Variants in GABRR3 observed in about 807,000 individuals in gnomAD.
GABRR3 encodes the protein gamma-aminobutyric acid type A receptor subunit rho3.
Under a neutral mutation model 43.2 loss-of-function variants are expected in GABRR3, and 29 were observed. That is an observed-to-expected ratio of 0.67 (90% CI 0.50 to 0.92). GABRR3 has a LOEUF of 0.92. Ranked by LOEUF, GABRR3 falls within the 40% of genes least tolerant of loss-of-function variation. GABRR3 has a pLI of 0.00. For synonymous variants in GABRR3, 206 were observed against 195.9 expected, an observed-to-expected ratio of 1.05 and a Z score of -0.43; for missense variants, 576 against 572.3, an observed-to-expected ratio of 1.01 and a Z score of -0.07.
chr3:98,027,498 C>G (rs1404652103), intron 2 of GABRR3, among the ~76,000 whole-genome samples: 1 of 152,176 alleles, frequency 6.6e-6, no homozygotes, highest in Non-Finnish European at 1.5e-5. Flanking sequence ...AGAAGCATAC[C>G]TCTCCATGAG....
At chr3:98,025,641 T>A in exon 3 of GABRR3, 1 of 1,613,012 alleles carries the variant, frequency 6.2e-7, no homozygotes, top group Non-Finnish European at 8.5e-7. Context: ...AGGCCGCGCT[T>A]TGGTACTGTC....
chr3:98,024,307 C>T (rs570730354), intron 3 of GABRR3, among the ~76,000 whole-genome samples: 1 of 145,714 alleles, frequency 6.9e-6, no homozygotes, highest in Non-Finnish European at 1.5e-5. Context: ...TGCAGTGAGC[C>T]GAGATCGCGC....
chr3:97,986,600 T>A (rs1706388652), downstream of GABRR3: 1 of 935,716 alleles, frequency 1.1e-6, no homozygotes, highest in South Asian at 1.8e-5. Context: ...CCCAGTTCCA[T>A]CTAGGACTAT....
intron 7 of GABRR3, among the ~76,000 whole-genome samples, chr3:98,004,862 G>C (rs2107234451): frequency 6.6e-6 from 1 of 151,944 alleles, no homozygotes; most frequent in Non-Finnish European, 1.5e-5. Context: ...TTTTGAGGAA[G>C]CTAAAATATT....
intron 4 of GABRR3, among the ~76,000 whole-genome samples, chr3:98,015,323 G>T (rs938143317): frequency 2.6e-5 from 4 of 152,286 alleles, no homozygotes; most frequent in African/African-American, 7.2e-5. Flanking sequence ...CTACTGAGTA[G>T]CTGGGACTAC....
intron 2 of GABRR3, among the ~76,000 whole-genome samples, chr3:98,033,792 T>C (rs1172132700): frequency 6.6e-6 from 1 of 152,156 alleles, no homozygotes; most frequent in Non-Finnish European, 1.5e-5. Flanking sequence ...GAACAAGACT[T>C]CATATCATCT....
intron 7 of GABRR3, among the ~76,000 whole-genome samples, chr3:98,004,303 C>T (rs187865436): frequency 9.3e-4 from 142 of 152,260 alleles, no homozygotes; most frequent in Admixed American, 1.8e-3. Context: ...AACTATATGA[C>T]ATCATGTATC....
At chr3:98,003,440 G>C (rs569537416) in intron 7 of GABRR3, among the ~76,000 whole-genome samples, 4 of 146,246 alleles carry the variant, frequency 2.7e-5, no homozygotes, top group African/African-American at 1.0e-4. Context: ...TTGGTGGGGT[G>C]GGGGCAGGGT....
At chr3:98,003,498 T>C (rs865559) in intron 7 of GABRR3, among the ~76,000 whole-genome samples, 81,952 of 149,950 alleles carry the variant, frequency 0.55, 23,574 homozygotes, top group Middle Eastern at 0.66. Context: ...GGTTTTAGAC[T>C]AGGGGTGGTA....
chr3:98,034,838 A>G (rs761701493), intron 2 of GABRR3, 25 bp downstream of exon 2: 33 of 1,611,454 alleles, frequency 2.0e-5, no homozygotes, highest in Middle Eastern at 3.3e-4. Flanking sequence ...CAGTAATTCC[A>G]TGGACTGCAC....
At chr3:98,018,884 C>T (rs770891676) in intron 3 of GABRR3, among the ~76,000 whole-genome samples, 2 of 151,920 alleles carry the variant, frequency 1.3e-5, no homozygotes, top group East Asian at 1.9e-4. Context: ...CCGAGGTGGA[C>T]GGATCACTTG....
At chr3:98,020,381 A>T (rs2107245179) in intron 3 of GABRR3, among the ~76,000 whole-genome samples, 1 of 151,884 alleles carries the variant, frequency 6.6e-6, no homozygotes, top group African/African-American at 2.4e-5. Context: ...AATTAAGCAA[A>T]AATATAAACC....
intron 8 of GABRR3, 198 bp downstream of exon 8, chr3:98,001,417 A>G (rs28622535): frequency 0.46 from 267,885 of 577,366 alleles, 63,338 homozygotes; most frequent in African/African-American, 0.56. Context: ...CATCCCTAAA[A>G]TCCGGGTTCC....
chr3:98,021,020 C>A (rs1053048061), intron 3 of GABRR3, among the ~76,000 whole-genome samples: 1 of 151,784 alleles, frequency 6.6e-6, no homozygotes, highest in East Asian at 1.9e-4. Context: ...CACTACCACC[C>A]CTGGATAATT....
Position 97,987,253 on chromosome 3 carries a change from T to C in GABRR3, c.1105-271A>G, listed in dbSNP as rs558519072. Among the ~76,000 whole-genome samples, 17 of 152,282 alleles carry C rather than the reference T, an allele frequency of 1.1e-4. No homozygotes were observed. The South Asian group carries it at 1.7e-3, about 15-fold the overall frequency. ...ATAGGGAAAGACTTTAGCTGCTCCA[T>C]TGAAATGCAAATTAGCCAGGCCTTC... On this transcript the variant is annotated intron_variant, in intron 9 of 9. Coordinates refer to ENST00000621172, the Ensembl canonical transcript of GABRR3.
At chr3:98,012,437 A>G (rs761236988) in exon 5 of GABRR3, 23 of 1,613,832 alleles carry the variant, frequency 1.4e-5, no homozygotes, top group Non-Finnish European at 1.7e-6. Flanking sequence ...AGAGTGGACA[A>G]AAAAGATATC....
intron 4 of GABRR3, among the ~76,000 whole-genome samples, chr3:98,017,125 T>C (rs1706881343): frequency 6.6e-6 from 1 of 152,172 alleles, no homozygotes; most frequent in African/African-American, 2.4e-5. Context: ...CTTTTTTAGA[T>C]TTCTAGAAAA....
At chr3:98,024,900 T>C (rs551062018) in intron 3 of GABRR3, among the ~76,000 whole-genome samples, 1 of 152,382 alleles carries the variant, frequency 6.6e-6, no homozygotes, top group African/African-American at 2.4e-5. Context: ...GTTCCAATTA[T>C]GTACCTGTAA....
intron 3 of GABRR3, among the ~76,000 whole-genome samples, chr3:98,018,004 C>CTTTTTTTTTTTTTTTTTTTTTTT (rs10710938): frequency 1.5e-5 from 2 of 137,018 alleles, no homozygotes; most frequent in Non-Finnish European, 1.6e-5. Flanking sequence ...CTCCAGTTTT[C>CTTTTTTTTTTTTTTTTTTTTTTT]TTTTTTTTTT....
Sources: gnomAD v4.1 joint callset for allele counts (sites outside exome capture counted in the v4.1 genomes callset) on GRCh38, gnomAD v4.1.1 for gene constraint, MANE v1.5 for transcripts, NCBI Gene and HGNC (gene_info 2026-07-23, HGNC 2026-07-21) for gene names.